The following NEK10 variants were observed in gnomAD, a reference collection of about 807,000 sequenced individuals.
NEK10 encodes serine/threonine-protein kinase Nek10.
Under a neutral mutation model 159.8 loss-of-function variants are expected in NEK10, and 122 were observed. The observed-to-expected ratio is 0.76, with a 90% confidence interval of 0.66 to 0.89. The LOEUF is 0.89. Among genes scored for constraint, NEK10 ranks in the 40% least tolerant of loss-of-function variants. The pLI is 0.00. For synonymous variants in NEK10, 466 were observed against 457.1 expected, an observed-to-expected ratio of 1.02 and a Z score of -0.25; for missense variants, 1,342 against 1,323.1, an observed-to-expected ratio of 1.01 and a Z score of -0.22.
At chr3:27,319,096 G>C (rs1325201022) in intron 6 of NEK10, among the ~76,000 whole-genome samples, 1 of 152,164 alleles carries the variant, frequency 6.6e-6, no homozygotes, top group African/African-American at 2.4e-5. Context: ...TAAGGGCTGA[G>C]AGAAGTCTAC....
intron 22 of NEK10, among the ~76,000 whole-genome samples, chr3:27,262,636 C>T (rs1193906366): frequency 1.3e-5 from 2 of 152,194 alleles, no homozygotes; most frequent in Admixed American, 6.5e-5. Context: ...GCTACTGAGG[C>T]TTGTGCATTC....
intron 22 of NEK10, among the ~76,000 whole-genome samples, chr3:27,274,547 A>G (rs764116266): frequency 2.6e-5 from 4 of 152,092 alleles, no homozygotes; most frequent in Admixed American, 6.5e-5. Flanking sequence ...CTCTGTACAT[A>G]TAGCTCTAAC....
intron 23 of NEK10, among the ~76,000 whole-genome samples, chr3:27,243,351 A>G (rs1231779177): frequency 6.6e-6 from 1 of 152,336 alleles, no homozygotes; most frequent in East Asian, 1.9e-4. Flanking sequence ...ATTCACAAGA[A>G]TAAGACAAAT....
chr3:27,256,170 A>G, intron 23 of NEK10, 126 bp downstream of exon 23: 1 of 461,650 alleles, frequency 2.2e-6, no homozygotes. Context: ...TACCTAGATA[A>G]TTGAAAAAAC....
chr3:27,304,623 G>C, intron 12 of NEK10, 124 bp downstream of exon 12: 1 of 665,906 alleles, frequency 1.5e-6, no homozygotes, highest in Non-Finnish European at 2.7e-6. Context: ...TGGAAAGCAT[G>C]AATTACCAAA....
chr3:27,312,075 C>A, intron 8 of NEK10, 24 bp downstream of exon 8: 1 of 1,523,032 alleles, frequency 6.6e-7, no homozygotes, highest in South Asian at 1.1e-5. Flanking sequence ...ACAAAAATGG[C>A]TGTGTCCCTG....
intron 23 of NEK10, among the ~76,000 whole-genome samples, chr3:27,243,830 G>GGGGT (rs1279045113): frequency 1.3e-5 from 2 of 148,272 alleles, no homozygotes; most frequent in Non-Finnish European, 3.0e-5. Flanking sequence ...TGACACCATG[G>GGGGT]GTGTGTGTGT....
chr3:27,193,103 C>T (rs906528091), intron 25 of NEK10, among the ~76,000 whole-genome samples: 2 of 152,314 alleles, frequency 1.3e-5, no homozygotes, highest in Non-Finnish European at 1.5e-5. Context: ...AGTGCACATG[C>T]ATTGTAAAAT....
chr3:27,139,546 TAAGAAGGGTAGGCC>T (rs1156285278), intron 31 of NEK10, among the ~76,000 whole-genome samples: 1 of 152,172 alleles, frequency 6.6e-6, no homozygotes, highest in African/African-American at 2.4e-5. Flanking sequence ...GAGTGGATTC[TAAGAAGGGTAGGCC>T]AAGAAGGGTA....
intron 35 of NEK10, among the ~76,000 whole-genome samples, chr3:27,114,429 A>G (rs1940072886): frequency 1.3e-5 from 2 of 152,212 alleles, no homozygotes; most frequent in African/African-American, 4.8e-5. Flanking sequence ...CTGCAGTTAC[A>G]AATCACAACA....
At chr3:27,194,742 G>A (rs1283962237) in intron 25 of NEK10, 9 of 152,164 alleles carry the variant, frequency 5.9e-5, no homozygotes, top group Admixed American at 5.9e-4. Flanking sequence ...GCACCAGGCA[G>A]CTTATGCAAC....
At chr3:27,255,258 G>A (rs1299739120) in intron 23 of NEK10, 1 of 431,286 alleles carries the variant, frequency 2.3e-6, no homozygotes, top group Admixed American at 2.5e-5. Flanking sequence ...AGCTTACAAG[G>A]TACATGTTAG....
At chr3:27,176,362 G>A (rs928803048) in intron 26 of NEK10, among the ~76,000 whole-genome samples, 5 of 152,132 alleles carry the variant, frequency 3.3e-5, no homozygotes, top group Admixed American at 3.3e-4. Context: ...GTTAATTTCT[G>A]CTTCTGAGGT....
chr3:27,203,318 C>T (rs1443487123), intron 23 of NEK10, among the ~76,000 whole-genome samples: 4 of 152,128 alleles, frequency 2.6e-5, no homozygotes, highest in Non-Finnish European at 5.9e-5. Context: ...CTATTCAGCT[C>T]TAGCATATAA....
intron 23 of NEK10, among the ~76,000 whole-genome samples, chr3:27,216,673 A>G (rs1482120270): frequency 6.6e-6 from 1 of 152,226 alleles, no homozygotes; most frequent in Non-Finnish European, 1.5e-5. Flanking sequence ...CCCAGCCAAT[A>G]TCCCCAGGTA....
intron 32 of NEK10, among the ~76,000 whole-genome samples, chr3:27,128,850 G>A (rs993943973): frequency 1.3e-5 from 2 of 152,012 alleles, no homozygotes; most frequent in Admixed American, 1.3e-4. Context: ...GTCTAATCTT[G>A]TACAGTTCCT....
intron 33 of NEK10, among the ~76,000 whole-genome samples, chr3:27,116,659 T>C (rs1327422343): frequency 6.6e-6 from 1 of 152,092 alleles, no homozygotes; most frequent in Non-Finnish European, 1.5e-5. Context: ...TTACTATTAT[T>C]ATTATTATCA....
chr3:27,363,252 C>T (rs1395198676), intron 1 of NEK10, among the ~76,000 whole-genome samples: 1 of 152,198 alleles, frequency 6.6e-6, no homozygotes, highest in African/African-American at 2.4e-5. Context: ...GGTCACAACC[C>T]TGCCAAGCAT....
At chr3:27,350,764 C>T (rs1424889486) in intron 3 of NEK10, among the ~76,000 whole-genome samples, 4 of 152,014 alleles carry the variant, frequency 2.6e-5, no homozygotes, top group Admixed American at 6.6e-5. Context: ...ATCAAGCAAG[C>T]GGTGTTGAAA....
Sources: allele counts gnomAD v4.1 joint callset (sites outside exome capture counted in the v4.1 genomes callset), GRCh38; gene constraint gnomAD v4.1.1; transcripts MANE v1.5; gene names NCBI Gene and HGNC (gene_info 2026-07-23, HGNC 2026-07-21).